FHDC1: variants seen among roughly 807,000 people sequenced by gnomAD.
FHDC1 encodes the protein FH2 domain-containing protein 1.
A neutral mutation model predicts 52.6 loss-of-function variants in FHDC1; 25 were observed. The ratio of observed to expected loss-of-function variants is 0.48; its 90% CI spans 0.35 to 0.66. The LOEUF (loss-of-function observed/expected upper bound fraction) is 0.66, where lower values mean the gene tolerates loss of function less well. Ranked by LOEUF, FHDC1 falls within the 30% of genes least tolerant of loss-of-function variation. The pLI, the probability that FHDC1 is intolerant of heterozygous loss-of-function variation, is 0.01. For synonymous variants in FHDC1, 616 were observed against 581.5 expected (o/e 1.06, Z -0.85); for missense variants, 1,459 against 1,452.8 (o/e 1.00, Z -0.07).
Position 152,942,943 on chromosome 4 carries a change from G to A in FHDC1, c.-115G>A. 8.8e-7 allele frequency: 1 copy of A among 1,138,392 alleles called. No homozygotes were observed. The highest frequency in any genetic ancestry group is 1.3e-6 in the Non-Finnish European group (1 of 796,854). The allele number at this position is 1,138,392 out of a possible 1,614,324, so 70.5% of individuals were successfully genotyped here. ...ATCTTGCTAGGTTTGGAAGAGGACA[G>A]TTGCCCTTTATTCTGGCGGCAGATA... On this transcript the variant is annotated 5_prime_UTR_variant, in exon 2 of 12. Transcript: ENST00000511601.
At chr4:152,953,740 A>G (rs778757593) in intron 3 of FHDC1, among the ~76,000 whole-genome samples, 180 bp downstream of exon 3, 8 of 152,240 alleles carry the variant, frequency 5.3e-5, no homozygotes, top group Non-Finnish European at 1.0e-4. Context: ...GAAACATAAC[A>G]TAGTGGCTTG....
intron 4 of FHDC1, 119 bp downstream of exon 4, chr4:152,954,438 G>GTGCTGGGATTA: frequency 1.4e-6 from 1 of 713,150 alleles, no homozygotes; most frequent in Non-Finnish European, 2.3e-6. Context: ...TGTAATCCCA[G>GTGCTGGGATTA]CACTTTGGGA....
intron 2 of FHDC1, among the ~76,000 whole-genome samples, chr4:152,947,505 C>T (rs776326921): frequency 1.3e-5 from 2 of 152,180 alleles, no homozygotes; most frequent in African/African-American, 2.4e-5. Context: ...CCCTGGGAGC[C>T]TTCCACCAGT....
At chr4:152,929,603 A>G in the FHDC1 span, among the ~76,000 whole-genome samples, 20 of 152,196 alleles carry the variant, frequency 1.3e-4, no homozygotes, top group African/African-American at 4.3e-4. This position sits in a 1 kb window ranked among gnomAD's most constrained non-coding sequence, Gnocchi z 4.1. Context: ...TAGACTCTGT[A>G]CATGAGTTCA....
the FHDC1 span, among the ~76,000 whole-genome samples, chr4:152,931,004 C>T: frequency 2.1e-5 from 3 of 141,174 alleles, no homozygotes; most frequent in Non-Finnish European, 3.1e-5. Context: ...CACACTCTCT[C>T]TCTCTCTCTC....
chr4:152,939,419 C>A (rs1739513021), intron 1 of FHDC1, among the ~76,000 whole-genome samples: 1 of 152,130 alleles, frequency 6.6e-6, no homozygotes, highest in South Asian at 2.1e-4. Flanking sequence ...CAGGCGTGAG[C>A]CACCGCGCCT....
chr4:152,920,848 CTT>C, the FHDC1 span, among the ~76,000 whole-genome samples: 6 of 150,398 alleles, frequency 4.0e-5, no homozygotes, highest in African/African-American at 1.2e-4. Flanking sequence ...ATATAAGTGT[CTT>C]TTTAAAAAAA....
At chr4:152,936,556 G>C (rs1177273032) in intron 1 of FHDC1, 147 bp downstream of exon 1, 2 of 152,322 alleles carry the variant, frequency 1.3e-5, no homozygotes. Flanking sequence ...TGGGTGCCGG[G>C]TCTCGGCTTC....
chr4:152,912,380 A>T, the FHDC1 span: 1 of 152,180 alleles, frequency 6.6e-6, no homozygotes. Context: ...TGGATATTTT[A>T]GTTTTGGATT....
the FHDC1 span, among the ~76,000 whole-genome samples, chr4:152,929,404 A>G: frequency 3.3e-5 from 5 of 152,196 alleles, no homozygotes; most frequent in African/African-American, 9.7e-5. The surrounding 1 kb of genome is among the most constrained non-coding windows in gnomAD (Gnocchi z 4.1). Flanking sequence ...TTTGTCCACA[A>G]GGGATTTCCT....
rs58783965 is a variant in FHDC1 at position 152,963,769 on chromosome 4, G to GTTTTTTTTTTTTTTTTTTT, written c.1029+655_1029+673dup. ...GGAGTCTGATCCTATCCATTGCTTT[G>GTTTTTTTTTTTTTTTTTTT]TTTTTTTTTTTTTTTTTTTTTTTTT... On this transcript the variant is annotated intron_variant, in intron 8 of 11. Transcript: ENST00000511601. Among the ~76,000 whole-genome samples the GTTTTTTTTTTTTTTTTTTT allele has an allele frequency of 1.2e-4, 6 of 51,802 alleles. 1 individual carries two copies. Among genetic ancestry groups the GTTTTTTTTTTTTTTTTTTT allele is most frequent in the African/African-American group, 3.2e-4 (5 of 15,446 alleles). 34.0% of individuals were successfully genotyped at this position (51,802 alleles called of 152,430 possible).
chr4:152,927,591 A>G, the FHDC1 span: 43 of 1,605,064 alleles, frequency 2.7e-5, no homozygotes, highest in African/African-American at 5.3e-4. Context: ...GAGGAGGTTT[A>G]TGACCCTCGA....
intron 6 of FHDC1, 29 bp downstream of exon 6, chr4:152,960,873 TTTG>T: frequency 6.7e-7 from 1 of 1,503,496 alleles, no homozygotes; most frequent in Non-Finnish European, 8.9e-7. Flanking sequence ...CTTCGCAGAA[TTTG>T]TTTTTATTAA....
rs1304759621 is a variant in FHDC1 at position 152,974,958 on chromosome 4, A to G, written c.1667A>G (p.Glu556Gly). Residue 556 changes from glutamate (E) to glycine (G), a missense_variant, in exon 12 of 12, where the codon GAG becomes GGG. Around this residue, in one of 3 missense-constraint regions of FHDC1, gnomAD observed 939 missense variants for 854.5 expected, o/e 1.10. Coordinates refer to ENST00000511601, the MANE Select transcript of FHDC1 (RefSeq NM_001371116.1). ...SADRELLTFLESSTGSPEEPN... is the reference protein window; with the variant it reads ...SADRELLTFLGSSTGSPEEPN... ...GACCGGGAGCTGCTGACCTTCTTGG[A>G]GAGCTCCACCGGCAGCCCTGAGGAG... 6.2e-7 allele frequency: 1 copy of G among 1,612,468 alleles called. No individual in the cohort carries two copies. Among genetic ancestry groups the G allele is most frequent in the South Asian group, 1.1e-5 (1 of 91,054 alleles).
chr4:152,929,765 A>T, the FHDC1 span, among the ~76,000 whole-genome samples: 1 of 152,176 alleles, frequency 6.6e-6, no homozygotes, highest in Non-Finnish European at 1.5e-5. This position sits in a 1 kb window ranked among gnomAD's most constrained non-coding sequence, Gnocchi z 4.1. Context: ...TAATCTCCTT[A>T]TCGAATAAGA....
At chr4:152,939,488 G>A (rs1203486916) in intron 1 of FHDC1, among the ~76,000 whole-genome samples, 1 of 152,176 alleles carries the variant, frequency 6.6e-6, no homozygotes. Flanking sequence ...ACAGCGGGCT[G>A]TTTAGGCAGG....
chr4:152,941,933 A>G (rs1739584435), intron 1 of FHDC1, among the ~76,000 whole-genome samples: 1 of 152,000 alleles, frequency 6.6e-6, no homozygotes, highest in African/African-American at 2.4e-5. Context: ...TCCTTTCTAC[A>G]CCCCACTTAC....
chr4:152,952,159 G>A (rs1308740040), intron 2 of FHDC1, among the ~76,000 whole-genome samples: 1 of 152,294 alleles, frequency 6.6e-6, no homozygotes, highest in South Asian at 2.1e-4. Flanking sequence ...TAAAAGGTCT[G>A]TTGGACATAT....
At chr4:152,916,265 G>C in the FHDC1 span, among the ~76,000 whole-genome samples, 5 of 152,142 alleles carry the variant, frequency 3.3e-5, no homozygotes, top group African/African-American at 1.2e-4. Flanking sequence ...ACACTGCTAG[G>C]AACTTATGTT....
Sources: allele counts gnomAD v4.1 joint callset (sites outside exome capture counted in the v4.1 genomes callset), GRCh38; gene constraint gnomAD v4.1.1; regional missense constraint gnomAD v4.1.1; non-coding constraint Gnocchi (gnomAD v3.1); transcripts MANE v1.5; gene names NCBI Gene and HGNC (gene_info 2026-07-23, HGNC 2026-07-21).